SLIT3: variants seen among roughly 807,000 people sequenced by gnomAD.
SLIT3 encodes the protein slit guidance ligand 3.
Under a neutral mutation model 184.0 loss-of-function variants are expected in SLIT3, and 68 were observed. That is an observed-to-expected ratio of 0.37 (90% CI 0.30 to 0.45). SLIT3 has a LOEUF of 0.45. Ranked by LOEUF, SLIT3 falls within the 20% of genes least tolerant of loss-of-function variation. The pLI, the probability that SLIT3 is intolerant of heterozygous loss-of-function variation, is 1.00. For missense variants in SLIT3, 1,707 were observed against 2,026.0 expected (o/e 0.84, Z 3.02); for synonymous variants, 831 against 828.6 (o/e 1.00, Z -0.05).
chr5:168,695,016 G>A (rs1762011661), intron 28 of SLIT3, among the ~76,000 whole-genome samples: 1 of 152,186 alleles, frequency 6.6e-6, no homozygotes, highest in Non-Finnish European at 1.5e-5. Context: ...CTCAGTTGGT[G>A]GTGGTACGTT....
chr5:169,006,645 A>G (rs982137391), intron 4 of SLIT3, among the ~76,000 whole-genome samples: 3 of 150,978 alleles, frequency 2.0e-5, no homozygotes, highest in Non-Finnish European at 3.0e-5. Context: ...CTCCAAGCAC[A>G]AAGAGCTGAC....
At chr5:169,091,495 C>A (rs889680724) in intron 4 of SLIT3, among the ~76,000 whole-genome samples, 6 of 152,322 alleles carry the variant, frequency 3.9e-5, no homozygotes, top group Middle Eastern at 6.8e-3. Context: ...CCTCTGGAGT[C>A]CCCCATGTTA....
intron 4 of SLIT3, among the ~76,000 whole-genome samples, chr5:169,118,526 A>AGGTC (rs1439846491): frequency 6.6e-6 from 1 of 152,088 alleles, no homozygotes; most frequent in East Asian, 1.9e-4. Flanking sequence ...GCTGCTCTTG[A>AGGTC]GGTCCTAGGC....
intron 4 of SLIT3, among the ~76,000 whole-genome samples, chr5:168,978,933 T>A (rs1052860058): frequency 5.6e-5 from 1 of 17,810 alleles, no homozygotes; most frequent in Non-Finnish European, 1.2e-4. Context: ...TAGGTGGGGG[T>A]GGGGTGGCTG....
At chr5:168,738,243 G>A (rs1312746681) in intron 20 of SLIT3, among the ~76,000 whole-genome samples, 2 of 152,216 alleles carry the variant, frequency 1.3e-5, no homozygotes, top group African/African-American at 2.4e-5. Context: ...AATTAGTGGA[G>A]GGTAAAACTG....
At chr5:168,913,749 A>AAAC (rs1554159498) in intron 4 of SLIT3, among the ~76,000 whole-genome samples, 7 of 151,446 alleles carry the variant, frequency 4.6e-5, no homozygotes, top group African/African-American at 1.7e-4. Flanking sequence ...CTCAAAAAAA[A>AAAC]AAACAAACAA....
At chr5:168,936,523 G>T (rs1361327891) in intron 4 of SLIT3, among the ~76,000 whole-genome samples, 1 of 152,120 alleles carries the variant, frequency 6.6e-6, no homozygotes, top group Non-Finnish European at 1.5e-5. Flanking sequence ...GTGAGCCACC[G>T]CGCCTGGTAG....
intron 27 of SLIT3, among the ~76,000 whole-genome samples, chr5:168,698,254 C>A (rs1266792173): frequency 6.6e-6 from 1 of 152,194 alleles, no homozygotes; most frequent in Admixed American, 6.5e-5. Flanking sequence ...AGTCCTAACC[C>A]TGAGTACATC....
chr5:168,918,884 C>T (rs577127540), intron 4 of SLIT3, among the ~76,000 whole-genome samples: 1 of 152,200 alleles, frequency 6.6e-6, no homozygotes, highest in Non-Finnish European at 1.5e-5. Context: ...AAAAAATCCT[C>T]ACCATATATA....
intron 14 of SLIT3, among the ~76,000 whole-genome samples, chr5:168,765,510 A>G (rs1473386955): frequency 6.6e-6 from 1 of 152,218 alleles, no homozygotes; most frequent in Non-Finnish European, 1.5e-5. Context: ...AGTCAGAGCC[A>G]GCCCGAAATG....
intron 32 of SLIT3, among the ~76,000 whole-genome samples, chr5:168,679,487 C>T (rs1447151241): frequency 6.6e-5 from 10 of 152,152 alleles, no homozygotes; most frequent in African/African-American, 2.2e-4. Context: ...AGGAAGGAGG[C>T]ACACTTTTTC....
intron 4 of SLIT3, among the ~76,000 whole-genome samples, chr5:168,942,606 C>A (rs1055703278): frequency 1.3e-5 from 2 of 152,186 alleles, no homozygotes; most frequent in Admixed American, 1.3e-4. Flanking sequence ...GGCTTCTGCC[C>A]TAAACTTTAC....
At chr5:168,778,327 G>C (rs921332049) in intron 12 of SLIT3, among the ~76,000 whole-genome samples, 14 of 152,232 alleles carry the variant, frequency 9.2e-5, no homozygotes, top group Non-Finnish European at 2.1e-4. Context: ...CGAAGCTCCA[G>C]CCTGTTTCAC....
At chr5:169,196,333 T>C (rs1402715895) in intron 3 of SLIT3, among the ~76,000 whole-genome samples, 3 of 152,218 alleles carry the variant, frequency 2.0e-5, no homozygotes, top group Non-Finnish European at 4.4e-5. Context: ...CTGGCTATAT[T>C]GTGCTCTTGC....
At chr5:168,677,991 C>T (rs1442449453) in intron 32 of SLIT3, among the ~76,000 whole-genome samples, 1 of 152,180 alleles carries the variant, frequency 6.6e-6, no homozygotes, top group Non-Finnish European at 1.5e-5. Context: ...CCCACTGGCT[C>T]ATTCCCATTT....
At chr5:169,112,323 ACAGCAG>A (rs1022398247) in intron 4 of SLIT3, among the ~76,000 whole-genome samples, 9 of 152,204 alleles carry the variant, frequency 5.9e-5, no homozygotes, top group African/African-American at 2.2e-4. Context: ...TGGTGGAGAG[ACAGCAG>A]CTTTGGAGTA....
intron 20 of SLIT3, among the ~76,000 whole-genome samples, chr5:168,746,434 G>GGTGGAGTGGGTGTGGCGGTGT (rs1763818863): frequency 1.6e-5 from 1 of 63,406 alleles, no homozygotes; most frequent in African/African-American, 6.7e-5. Context: ...GGTGGTGTGT[G>GGTGGAGTGGGTGTGGCGGTGT]GTGGTGTGGG....
chr5:168,697,561 T>C (rs1050822952), intron 27 of SLIT3, among the ~76,000 whole-genome samples: 2 of 152,212 alleles, frequency 1.3e-5, no homozygotes, highest in Non-Finnish European at 2.9e-5. Flanking sequence ...AGATCTGGAA[T>C]TTCAGGTTTC....
intron 4 of SLIT3, among the ~76,000 whole-genome samples, chr5:168,951,551 A>G (rs1762652143): frequency 6.6e-6 from 1 of 152,246 alleles, no homozygotes; most frequent in Admixed American, 6.5e-5. Context: ...TACTTGGCCT[A>G]GTATTTAAGG....
Sources: allele counts gnomAD v4.1 joint callset (sites outside exome capture counted in the v4.1 genomes callset), GRCh38; gene constraint gnomAD v4.1.1; transcripts MANE v1.5; gene names NCBI Gene and HGNC (gene_info 2026-07-23, HGNC 2026-07-21).